URM1: variants seen among roughly 807,000 people sequenced by gnomAD.
URM1 encodes the protein ubiquitin-related modifier 1.
URM1 carries 11 observed loss-of-function variants against 17.7 expected under a neutral mutation model. That is an observed-to-expected ratio of 0.62 (90% CI 0.39 to 1.03). URM1 has a LOEUF of 1.03. Among genes scored for constraint, URM1 ranks in the 50% least tolerant of loss-of-function variants. The pLI is 0.00. For missense variants in URM1, 128 were observed against 129.2 expected (o/e 0.99, Z 0.04); for synonymous variants, 48 against 50.6 (o/e 0.95, Z 0.22).
Position 128,387,778 on chromosome 9 carries a change from G to C in URM1, c.107-38G>C. The C allele has an allele frequency of 6.2e-7, 1 of 1,613,382 alleles. No individual in the cohort carries two copies. Among genetic ancestry groups the C allele is most frequent in the Non-Finnish European group, 8.5e-7 (1 of 1,179,496 alleles). On this transcript the variant is annotated intron_variant, in intron 2 of 4. Transcript: ENST00000372853. The surrounding 1 kb of genome is among the most constrained non-coding windows in gnomAD (Gnocchi z 4.3). ...CTCTGGGGGTGGGCAGGTGCTATTT[G>C]GGTTTGACAAGAGTTTGTTCTGTGC...
At position 128,387,952 on chromosome 9, in the gene URM1, A is replaced by T; in HGVS notation, c.188+55A>T. On this transcript the variant is annotated intron_variant, in intron 3 of 4. Coordinates refer to ENST00000372853, the MANE Select transcript of URM1 (RefSeq NM_030914.4). This position sits in a 1 kb window ranked among gnomAD's most constrained non-coding sequence, Gnocchi z 4.3. Reference sequence around the variant, plus strand: ...AGGTGGAGGGAGGGACGGATATTTGAGCCCCCACCCTCGGGTTCAGTCCTG... The same window carrying T: ...AGGTGGAGGGAGGGACGGATATTTGTGCCCCCACCCTCGGGTTCAGTCCTG... 2 of 1,610,298 alleles carry T rather than the reference A, an allele frequency of 1.2e-6. No homozygotes were observed. The highest frequency in any genetic ancestry group is 2.2e-5 in the South Asian group (2 of 90,942).
intron 1 of URM1, among the ~76,000 whole-genome samples, chr9:128,371,728 G>A (rs1271719817): frequency 2.0e-5 from 3 of 152,254 alleles, no homozygotes; most frequent in African/African-American, 7.2e-5. Flanking sequence ...TCCTATCTCG[G>A]ACCAATCCCA....
Position 128,390,750 on chromosome 9 carries a change from T to C in URM1, c.*1016T>C, listed in dbSNP as rs1380904702. Reference sequence around the variant, plus strand: ...TTGTTTACTAGCCTTGCTTGGAGCTTCATCCTTGGAAACGGGTGGCACCTC... The same window carrying C: ...TTGTTTACTAGCCTTGCTTGGAGCTCCATCCTTGGAAACGGGTGGCACCTC... On this transcript the variant is annotated 3_prime_UTR_variant, in exon 5 of 5. Transcript: ENST00000372853. 6.6e-6 allele frequency: 1 copy of C among 152,546 alleles called. No individual in the cohort carries two copies. The highest frequency in any genetic ancestry group is 1.5e-5 in the Non-Finnish European group (1 of 68,092). The allele number at this position is 152,546 out of a possible 1,614,324, so 9.4% of individuals were successfully genotyped here. A position where few individuals can be genotyped will look rare whatever the true frequency, so the allele number is the denominator to read the frequency against.
chr9:128,388,015 A>T (rs1833251293), intron 3 of URM1, 118 bp downstream of exon 3: 1 of 1,464,890 alleles, frequency 6.8e-7, no homozygotes, highest in Non-Finnish European at 9.0e-7. Context: ...CCTCCTCCCT[A>T]ACTCTTCCAG....
intron 1 of URM1, 30 bp from the exon 2 acceptor site, chr9:128,378,006 G>C (rs762053668): frequency 4.3e-6 from 7 of 1,609,530 alleles, no homozygotes; most frequent in Non-Finnish European, 5.9e-6. Flanking sequence ...AGCTCACCTG[G>C]CTGTCTTTTT....
intron 3 of URM1, chr9:128,388,556 T>C (rs1833259849): frequency 1.0e-6 from 1 of 986,018 alleles, no homozygotes; most frequent in Non-Finnish European, 1.2e-6. Context: ...CACTGTCAGG[T>C]CCTAAGGGAT....
intron 2 of URM1, among the ~76,000 whole-genome samples, chr9:128,383,970 C>A (rs1484820591): frequency 6.6e-6 from 1 of 152,182 alleles, no homozygotes; most frequent in Non-Finnish European, 1.5e-5. Flanking sequence ...TCTGAAGTCA[C>A]TGTGGGCTTA....
At position 128,384,725 on chromosome 9, in the gene URM1, G is replaced by A. The variant is rs73669904; in HGVS notation, c.107-3091G>A. On this transcript the variant is annotated intron_variant, in intron 2 of 4. Transcript: ENST00000372853. ...CAGTGCTGAGAGCTTTGTATATATCGTCTTATTTGATCCCCCACAATGACC... is the reference window on the plus strand; with the variant it reads ...CAGTGCTGAGAGCTTTGTATATATCATCTTATTTGATCCCCCACAATGACC... Among the ~76,000 whole-genome samples the A allele has an allele frequency of 4.4e-3, 675 of 152,102 alleles. 6 individuals are homozygous for A. The highest frequency in any genetic ancestry group is 0.016 in the African/African-American group (646 of 41,482).
At chr9:128,376,894 G>A (rs1317469468) in intron 1 of URM1, among the ~76,000 whole-genome samples, 1 of 152,158 alleles carries the variant, frequency 6.6e-6, no homozygotes, top group African/African-American at 2.4e-5. Flanking sequence ...TCTGATGTGG[G>A]AGGATTGCTT....
At chr9:128,372,860 G>A (rs1306601842) in intron 1 of URM1, among the ~76,000 whole-genome samples, 3 of 151,490 alleles carry the variant, frequency 2.0e-5, no homozygotes, top group Admixed American at 6.6e-5. Context: ...GACTGCTTGA[G>A]CCCAAGAATT....
Position 128,387,866 on chromosome 9 carries a change from C to G in URM1, c.157C>G (p.Arg53Gly). Residue 53 changes from arginine (R) to glycine (G), a missense_variant, in exon 3 of 5, where the codon CGG (arginine) becomes GGG (glycine). Arg to Gly is a moderately radical substitution (Grantham distance 125). Transcript: ENST00000372853. The surrounding 1 kb of genome is among the most constrained non-coding windows in gnomAD (Gnocchi z 4.3). ...IWIKKNLLKE[R>G]PELFIQGDSV... ...GATCAAGAAGAATTTGCTAAAAGAG[C>G]GGCCAGAGTTGTTCATCCAGGGAGA... The G allele has an allele frequency of 6.2e-7, 1 of 1,614,050 alleles. No homozygotes were observed. The highest frequency in any genetic ancestry group is 2.2e-5 in the East Asian group (1 of 44,880).
chr9:128,380,848 G>A (rs1292229152), intron 2 of URM1, among the ~76,000 whole-genome samples: 1 of 151,878 alleles, frequency 6.6e-6, no homozygotes, highest in Non-Finnish European at 1.5e-5. Context: ...TTTTTGAGAC[G>A]TAGTCTCGCT....
intron 2 of URM1, among the ~76,000 whole-genome samples, chr9:128,379,809 T>A (rs186438097): frequency 0.014 from 2,180 of 150,544 alleles, 14 homozygotes; most frequent in African/African-American, 0.022. Flanking sequence ...CAAAAAAAAA[T>A]AAAATAAAAT....
chr9:128,388,366 A>G, intron 3 of URM1: 1 of 992,614 alleles, frequency 1.0e-6, no homozygotes, highest in Non-Finnish European at 1.2e-6. Flanking sequence ...CTGTGCGTGC[A>G]CACACCCATG....
Position 128,390,149 on chromosome 9 carries a change from A to G in URM1, c.*415A>G. ...AAGATGAATGGACCTGAGTAGCTGA[A>G]GGAAGGCCCCTCCCTACCCAAAGAC... On this transcript the variant is annotated 3_prime_UTR_variant, in exon 5 of 5. Transcript: ENST00000372853. 1 of 205,256 alleles carries G rather than the reference A, an allele frequency of 4.9e-6. No homozygotes were observed. Among genetic ancestry groups the G allele is most frequent in the Admixed American group, 5.5e-5 (1 of 18,202 alleles). 12.7% of individuals were successfully genotyped at this position (205,256 alleles called of 1,614,324 possible).
chr9:128,372,384 G>A (rs556601863), intron 1 of URM1, among the ~76,000 whole-genome samples: 3 of 152,126 alleles, frequency 2.0e-5, no homozygotes, highest in Non-Finnish European at 2.9e-5. Context: ...CCTCTGCCCA[G>A]TGCCTTTCTT....
intron 1 of URM1, among the ~76,000 whole-genome samples, chr9:128,375,007 G>C (rs904076552): frequency 2.0e-5 from 3 of 152,204 alleles, no homozygotes; most frequent in African/African-American, 7.2e-5. Flanking sequence ...CCAGTCTGCT[G>C]GTGCTAAGCA....
chr9:128,383,095 T>G (rs1023261479), intron 2 of URM1, among the ~76,000 whole-genome samples: 6 of 152,158 alleles, frequency 3.9e-5, no homozygotes, highest in Non-Finnish European at 8.8e-5. Flanking sequence ...CTGCTTAGCA[T>G]GCATTTCACA....
chr9:128,378,808 A>C (rs1388126630), intron 2 of URM1, among the ~76,000 whole-genome samples: 2 of 151,362 alleles, frequency 1.3e-5, no homozygotes, highest in Non-Finnish European at 2.9e-5. Flanking sequence ...TTAGTCACGC[A>C]TAGCGGTGCG....
Sources: allele counts gnomAD v4.1 joint callset (sites outside exome capture counted in the v4.1 genomes callset), GRCh38; gene constraint gnomAD v4.1.1; non-coding constraint Gnocchi (gnomAD v3.1); transcripts MANE v1.5; gene names NCBI Gene and HGNC (gene_info 2026-07-23, HGNC 2026-07-21).